The following DPP6 variants were observed in gnomAD, a reference collection of about 807,000 sequenced individuals.
The protein encoded by DPP6 is A-type potassium channel modulatory protein DPP6.
Under a neutral mutation model 122.6 loss-of-function variants are expected in DPP6, and 69 were observed. The observed-to-expected ratio is 0.56, with a 90% CI of 0.46 to 0.69. The LOEUF (loss-of-function observed/expected upper bound fraction) is 0.69, where lower values mean the gene tolerates loss of function less well. DPP6 is among the 30% of genes least tolerant of loss of function. The pLI, the probability that DPP6 is intolerant of heterozygous loss-of-function variation, is 0.00. For missense variants in DPP6, 928 were observed against 1,116.9 expected (o/e 0.83, Z 2.41); for synonymous variants, 418 against 433.1 (o/e 0.97, Z 0.43).
intron 1 of DPP6, among the ~76,000 whole-genome samples, chr7:154,093,202 C>T (rs2150553726): frequency 6.7e-6 from 1 of 149,146 alleles, no homozygotes; most frequent in East Asian, 2.0e-4. Flanking sequence ...ACACAACTTA[C>T]ATACCACATC....
chr7:153,961,020 G>A (rs1465446462), intron 1 of DPP6, among the ~76,000 whole-genome samples: 1 of 151,588 alleles, frequency 6.6e-6, no homozygotes, highest in African/African-American at 2.4e-5. Flanking sequence ...AGCCATGCCC[G>A]GCTTTGGGCT....
intron 1 of DPP6, among the ~76,000 whole-genome samples, chr7:154,077,764 G>A (rs1354955252): frequency 2.0e-5 from 3 of 151,258 alleles, no homozygotes; most frequent in South Asian, 4.2e-4. Context: ...TCCGCCTCCC[G>A]GGTTCAAGCA....
intron 1 of DPP6, among the ~76,000 whole-genome samples, chr7:154,152,044 G>T (rs936993703): frequency 6.6e-6 from 1 of 151,070 alleles, no homozygotes; most frequent in Admixed American, 6.6e-5. Context: ...AGCTTAGCCT[G>T]GGGTTCTCCA....
chr7:154,518,794 T>C (rs1826739572), intron 3 of DPP6, among the ~76,000 whole-genome samples: 1 of 152,206 alleles, frequency 6.6e-6, no homozygotes, highest in African/African-American at 2.4e-5. Context: ...AACCCAGATA[T>C]GGTTCTAATG....
At chr7:154,133,172 T>C (rs1182630932) in intron 1 of DPP6, among the ~76,000 whole-genome samples, 2 of 152,214 alleles carry the variant, frequency 1.3e-5, no homozygotes, top group Admixed American at 6.5e-5. Flanking sequence ...TGTTATTATA[T>C]ACCTCATAGA....
chr7:154,017,696 T>G (rs1302255832), intron 1 of DPP6, among the ~76,000 whole-genome samples: 1 of 132,062 alleles, frequency 7.6e-6, no homozygotes, highest in African/African-American at 3.0e-5. Context: ...TGAGCCCTTG[T>G]CCTAAAAAAA....
intron 19 of DPP6, among the ~76,000 whole-genome samples, chr7:154,874,060 CATGT>C (rs1347563158): frequency 3.3e-5 from 5 of 151,734 alleles, no homozygotes; most frequent in African/African-American, 7.3e-5. Context: ...CACATATGCA[CATGT>C]ATGTGTATAT....
chr7:154,467,457 C>A (rs1350695930), intron 2 of DPP6, among the ~76,000 whole-genome samples: 1 of 152,172 alleles, frequency 6.6e-6, no homozygotes, highest in Non-Finnish European at 1.5e-5. Flanking sequence ...AAGTGCGTAG[C>A]ACCTCCCTCT....
At chr7:154,424,702 C>G (rs557572228) in intron 1 of DPP6, among the ~76,000 whole-genome samples, 2 of 152,214 alleles carry the variant, frequency 1.3e-5, no homozygotes, top group Non-Finnish European at 2.9e-5. Context: ...ATTTAGATGT[C>G]TTTGGGCGGC....
chr7:154,305,335 T>TGGGCCCCCCC, intron 1 of DPP6: 1 of 1,024,760 alleles, frequency 9.8e-7, no homozygotes, highest in Non-Finnish European at 1.2e-6. Flanking sequence ...TCGTCTTGTC[T>TGGGCCCCCCC]ACCCACCCTC....
At chr7:154,586,881 A>C (rs1832489639) in intron 5 of DPP6, among the ~76,000 whole-genome samples, 1 of 152,234 alleles carries the variant, frequency 6.6e-6, no homozygotes, top group Non-Finnish European at 1.5e-5. Flanking sequence ...TGTGTCCCTC[A>C]TCAAGGAGCT....
chr7:154,676,663 C>T (rs2009483), intron 7 of DPP6, among the ~76,000 whole-genome samples: 3,353 of 152,316 alleles, frequency 0.022, 111 homozygotes, highest in African/African-American at 0.076. Context: ...CAGTGTGAAG[C>T]GGGATTTAAG....
At chr7:154,883,969 C>A (rs539959348) in intron 21 of DPP6, 1 of 147,428 alleles carries the variant, frequency 6.8e-6, no homozygotes, top group Non-Finnish European at 1.5e-5. Context: ...CTCACACACA[C>A]GATTACATAC....
chr7:153,751,168 GT>G, the DPP6 span, among the ~76,000 whole-genome samples: 1 of 149,528 alleles, frequency 6.7e-6, no homozygotes. Flanking sequence ...TTTTGGAACA[GT>G]TGTTTTTCCA....
At chr7:154,216,252 TC>T (rs35865345) in intron 1 of DPP6, among the ~76,000 whole-genome samples, 9,850 of 152,198 alleles carry the variant, frequency 0.065, 628 homozygotes, top group African/African-American at 0.16. Flanking sequence ...TTGGGATTCA[TC>T]CCCGGCGGAC....
chr7:154,879,398 G>C (rs1207024921), intron 20 of DPP6, among the ~76,000 whole-genome samples: 1 of 121,536 alleles, frequency 8.2e-6, no homozygotes, highest in Admixed American at 9.1e-5. Flanking sequence ...GGCTAACACG[G>C]TGAAACCCCG....
chr7:154,645,255 CG>C (rs373078129), intron 6 of DPP6, among the ~76,000 whole-genome samples: 2,559 of 151,648 alleles, frequency 0.017, 75 homozygotes, highest in African/African-American at 0.058. Flanking sequence ...TTAGTAGAGA[CG>C]GGGTTTCACC....
chr7:154,087,918 C>A (rs963915049), intron 1 of DPP6, among the ~76,000 whole-genome samples: 2 of 152,206 alleles, frequency 1.3e-5, no homozygotes, highest in African/African-American at 4.8e-5. Flanking sequence ...GCCAAAAATG[C>A]ACTTCGCACA....
intron 1 of DPP6, among the ~76,000 whole-genome samples, chr7:154,213,042 G>A (rs553736306): frequency 1.3e-5 from 2 of 152,292 alleles, no homozygotes; most frequent in East Asian, 1.9e-4. Flanking sequence ...AGACATCAGC[G>A]CTTGCTCAGA....
Sources: gnomAD v4.1 joint callset for allele counts (sites outside exome capture counted in the v4.1 genomes callset) on GRCh38, gnomAD v4.1.1 for gene constraint, MANE v1.5 for transcripts, NCBI Gene and HGNC (gene_info 2026-07-23, HGNC 2026-07-21) for gene names.